Variants in EPHA6 observed in about 807,000 individuals in gnomAD.
The protein encoded by EPHA6 is EPH receptor A6.
A neutral mutation model predicts 112.0 loss-of-function variants in EPHA6; 50 were observed. The ratio of observed to expected loss-of-function variants is 0.45; its 90% confidence interval spans 0.36 to 0.56. The LOEUF (loss-of-function observed/expected upper bound fraction) is 0.56, where lower values mean the gene tolerates loss of function less well. Ranked by LOEUF, EPHA6 falls within the 20% of genes least tolerant of loss-of-function variation. The probability of loss-of-function intolerance (pLI) is 0.00; values close to 1 mark genes in which losing one functional copy is unlikely to be tolerated. For synonymous variants in EPHA6, 529 were observed against 490.7 expected (o/e 1.08, Z -1.03); for missense variants, 1,280 against 1,417.4 (o/e 0.90, Z 1.56).
chr3:97,526,341 A>G (rs895275022), intron 10 of EPHA6, among the ~76,000 whole-genome samples: 1 of 152,204 alleles, frequency 6.6e-6, no homozygotes, highest in Non-Finnish European at 1.5e-5. Flanking sequence ...GTGTCAGGGA[A>G]ACAGACAGGC....
intron 2 of EPHA6, among the ~76,000 whole-genome samples, chr3:96,978,203 T>C (rs551036047): frequency 7.2e-5 from 11 of 152,228 alleles, no homozygotes; most frequent in African/African-American, 2.2e-4. Context: ...ATATATTGAC[T>C]ATTCATTAAA....
intron 7 of EPHA6, among the ~76,000 whole-genome samples, chr3:97,460,482 T>C (rs922369244): frequency 2.0e-5 from 3 of 152,224 alleles, no homozygotes; most frequent in African/African-American, 7.2e-5. Flanking sequence ...GCTTATATTC[T>C]AGAGAGATGA....
At chr3:97,154,176 A>G (rs182838376) in intron 3 of EPHA6, among the ~76,000 whole-genome samples, 1 of 150,642 alleles carries the variant, frequency 6.6e-6, no homozygotes, top group Non-Finnish European at 1.5e-5. Context: ...AAAAAAAAAA[A>G]AAAAATATCA....
At chr3:97,302,352 C>T (rs1042687386) in intron 5 of EPHA6, among the ~76,000 whole-genome samples, 1 of 151,788 alleles carries the variant, frequency 6.6e-6, no homozygotes, top group African/African-American at 2.4e-5. Flanking sequence ...TAATAAAATA[C>T]TAAAAATAAA....
chr3:97,528,486 G>C (rs947273747), intron 10 of EPHA6, among the ~76,000 whole-genome samples: 3 of 152,088 alleles, frequency 2.0e-5, no homozygotes, highest in Non-Finnish European at 4.4e-5. Context: ...CTGTGGGAGA[G>C]CATTCCTGTC....
chr3:97,609,647 T>C (rs1478662714), intron 12 of EPHA6, among the ~76,000 whole-genome samples: 1 of 151,494 alleles, frequency 6.6e-6, no homozygotes, highest in Non-Finnish European at 1.5e-5. Flanking sequence ...AAATGTAAAG[T>C]CTAGCATTTA....
At chr3:97,464,996 A>T (rs924483444) in intron 7 of EPHA6, among the ~76,000 whole-genome samples, 1 of 152,144 alleles carries the variant, frequency 6.6e-6, no homozygotes, top group Non-Finnish European at 1.5e-5. Context: ...TATCATCAGC[A>T]TGTAGGAAGA....
intron 2 of EPHA6, among the ~76,000 whole-genome samples, chr3:96,954,129 G>A (rs1234275019): frequency 1.3e-5 from 2 of 151,888 alleles, no homozygotes; most frequent in Admixed American, 6.6e-5. Flanking sequence ...CTGCCTCTAC[G>A]TCCCAAAGTG....
At chr3:97,200,847 G>A (rs2077562142) in intron 3 of EPHA6, among the ~76,000 whole-genome samples, 1 of 152,128 alleles carries the variant, frequency 6.6e-6, no homozygotes, top group African/African-American at 2.4e-5. Context: ...AGGCCAATGT[G>A]GACATAGCTT....
At chr3:97,675,958 A>C (rs1029866499) in intron 14 of EPHA6, among the ~76,000 whole-genome samples, 1 of 152,192 alleles carries the variant, frequency 6.6e-6, no homozygotes, top group Non-Finnish European at 1.5e-5. Context: ...GAAAATAGGC[A>C]TGACAGAAAA....
chr3:96,952,166 G>A (rs1226165085), intron 2 of EPHA6, among the ~76,000 whole-genome samples: 2 of 152,142 alleles, frequency 1.3e-5, no homozygotes, highest in Non-Finnish European at 2.9e-5. Flanking sequence ...CAGACAAGAA[G>A]GTGAGCTACT....
chr3:97,224,712 A>C (rs2078302698), intron 3 of EPHA6, among the ~76,000 whole-genome samples: 1 of 152,114 alleles, frequency 6.6e-6, no homozygotes, highest in Non-Finnish European at 1.5e-5. Flanking sequence ...ACAGAATAAC[A>C]TAAAAAACCT....
rs184077925 is a variant in EPHA6 at position 97,007,529 on chromosome 3, A to G, written c.1114+19536A>G. Among the ~76,000 whole-genome samples, 5 of 152,062 alleles carry G rather than the reference A, an allele frequency of 3.3e-5. No homozygotes were observed. In the East Asian group the frequency reaches 9.7e-4, roughly 29 times the overall value. ...CACACAAGATGGGTCTCCTGAATAC[A>G]GAACACCGATGGGTCTTGACTCCTT... On this transcript the variant is annotated intron_variant, in intron 3 of 17. Transcript: ENST00000389672.
At chr3:97,482,770 C>A (rs929616348) in intron 9 of EPHA6, among the ~76,000 whole-genome samples, 3 of 152,164 alleles carry the variant, frequency 2.0e-5, no homozygotes, top group Non-Finnish European at 1.5e-5. Flanking sequence ...CTTTCAAAAT[C>A]TAAGAAGCAA....
chr3:97,506,083 G>C (rs1196112222), intron 10 of EPHA6, among the ~76,000 whole-genome samples: 1 of 152,028 alleles, frequency 6.6e-6, no homozygotes, highest in Non-Finnish European at 1.5e-5. Flanking sequence ...CTGGATATTA[G>C]CTCTTTGTCA....
chr3:97,675,324 C>CA (rs540476211), intron 14 of EPHA6, among the ~76,000 whole-genome samples: 312 of 151,838 alleles, frequency 2.1e-3, no homozygotes, highest in African/African-American at 6.9e-3. Flanking sequence ...ACTAAAAATA[C>CA]AAAAAATTAG....
chr3:97,338,550 T>C (rs1025383585), intron 5 of EPHA6, among the ~76,000 whole-genome samples: 5 of 152,158 alleles, frequency 3.3e-5, no homozygotes, highest in Non-Finnish European at 7.4e-5. Context: ...AAATGAATCA[T>C]TCTGTAAATC....
In EPHA6 at chr3:97,226,345, A is replaced by T; in HGVS notation, c.1196A>T (p.Glu399Val). 6.2e-7 allele frequency: 1 copy of T among 1,613,826 alleles called. No individual in the cohort carries two copies. Among genetic ancestry groups the T allele is most frequent in the Non-Finnish European group, 8.5e-7 (1 of 1,179,760 alleles). ...CCTCCACACAGTTTAACATACATGG[A>T]AGCAACTTCTGTCTGTCAGTGTGAA... is the stretch of plus-strand genomic sequence containing the variant. ...KCPPHSLTYMEATSVCQCEKG... is the reference protein window; with the variant it reads ...KCPPHSLTYMVATSVCQCEKG... The change falls in exon 4 of 18, where the codon GAA becomes GTA. Residue 399 changes from glutamate to valine, a missense_variant. Around this residue, in one of 4 missense-constraint regions of EPHA6, gnomAD observed 878 missense variants for 999.7 expected, o/e 0.88. Coordinates refer to ENST00000389672, the MANE Select transcript of EPHA6 (RefSeq NM_001080448.3).
chr3:97,266,856 G>A (rs2079703091), intron 5 of EPHA6, among the ~76,000 whole-genome samples: 1 of 152,018 alleles, frequency 6.6e-6, no homozygotes, highest in African/African-American at 2.4e-5. Flanking sequence ...CTGTATATAA[G>A]CATTTTACTA....
Sources: allele counts gnomAD v4.1 joint callset (sites outside exome capture counted in the v4.1 genomes callset), GRCh38; gene constraint gnomAD v4.1.1; regional missense constraint gnomAD v4.1.1; transcripts MANE v1.5; gene names NCBI Gene and HGNC (gene_info 2026-07-23, HGNC 2026-07-21).